The following CNTNAP5 variants were observed in gnomAD, a reference collection of about 807,000 sequenced individuals.
CNTNAP5 encodes contactin-associated protein-like 5.
In CNTNAP5, 72 loss-of-function variants were observed where a neutral mutation model predicts 150.2. The observed-to-expected ratio is 0.48, with a 90% CI of 0.40 to 0.58. The LOEUF (loss-of-function observed/expected upper bound fraction) is 0.58, where lower values mean the gene tolerates loss of function less well. Ranked by LOEUF, CNTNAP5 falls within the 20% of genes least tolerant of loss-of-function variation. The pLI, the probability that CNTNAP5 is intolerant of heterozygous loss-of-function variation, is 0.00. For missense variants in CNTNAP5, 1,636 were observed against 1,626.2 expected, an observed-to-expected ratio of 1.01 and a Z score of -0.10; for synonymous variants, 672 against 619.8, an observed-to-expected ratio of 1.08 and a Z score of -1.25.
At chr2:124,292,541 A>G (rs941309100) in intron 3 of CNTNAP5, among the ~76,000 whole-genome samples, 1 of 152,136 alleles carries the variant, frequency 6.6e-6, no homozygotes, top group Non-Finnish European at 1.5e-5. Context: ...TTCATATCTT[A>G]TATCAGAAAG....
intron 10 of CNTNAP5, among the ~76,000 whole-genome samples, chr2:124,534,825 G>T (rs1410742058): frequency 2.6e-5 from 4 of 152,132 alleles, no homozygotes; most frequent in African/African-American, 9.7e-5. Flanking sequence ...TTATCAGCAG[G>T]GTCTTTATGA....
intron 1 of CNTNAP5, among the ~76,000 whole-genome samples, chr2:124,165,004 G>A (rs898687540): frequency 3.3e-5 from 5 of 152,164 alleles, no homozygotes; most frequent in Non-Finnish European, 7.3e-5. Flanking sequence ...GCCAGCCAGA[G>A]AAGGGCTTGA....
At chr2:124,842,714 A>G (rs1342410079) in intron 19 of CNTNAP5, among the ~76,000 whole-genome samples, 1 of 152,092 alleles carries the variant, frequency 6.6e-6, no homozygotes, top group Non-Finnish European at 1.5e-5. Context: ...AGAACCCATC[A>G]CTGAATAGTT....
chr2:124,146,715 A>T lies in CNTNAP5; in HGVS notation c.83-74990A>T, dbSNP rs895423517. 1.6e-4 allele frequency among the ~76,000 whole-genome samples: 25 copies of T among 152,242 alleles called. 1 individual carries two copies. Among genetic ancestry groups the T allele is most frequent in the African/African-American group, 6.0e-4 (25 of 41,470 alleles). On this transcript the variant is annotated intron_variant, in intron 1 of 23. Transcript: ENST00000682447. ...ATTAAAGTTATGTCAAATTATTAATAGTAGTTATGTTTATTATTTTTATTC... is the reference window on the plus strand; with the variant it reads ...ATTAAAGTTATGTCAAATTATTAATTGTAGTTATGTTTATTATTTTTATTC...
At chr2:124,307,214 T>C (rs1688714630) in intron 3 of CNTNAP5, among the ~76,000 whole-genome samples, 1 of 152,194 alleles carries the variant, frequency 6.6e-6, no homozygotes, top group Non-Finnish European at 1.5e-5. Flanking sequence ...TTACTAGCTA[T>C]ATTGTCACAT....
intron 12 of CNTNAP5, among the ~76,000 whole-genome samples, chr2:124,621,276 C>G (rs745382766): frequency 2.6e-5 from 4 of 152,170 alleles, no homozygotes; most frequent in Non-Finnish European, 4.4e-5. Flanking sequence ...TATTTCTTAT[C>G]TTGATGGATT....
intron 13 of CNTNAP5, among the ~76,000 whole-genome samples, chr2:124,677,442 T>TG (rs1438387356): frequency 6.6e-6 from 1 of 152,216 alleles, no homozygotes; most frequent in Non-Finnish European, 1.5e-5. Context: ...TGCTGCTGGC[T>TG]GGGGTGGCCA....
chr2:124,025,608 C>G lies in CNTNAP5; in HGVS notation c.-43C>G, dbSNP rs373096459. On this transcript the variant is annotated 5_prime_UTR_variant, in exon 1 of 24. Coordinates refer to ENST00000682447, the MANE Select transcript of CNTNAP5 (RefSeq NM_001367498.1). The stretch of plus-strand genomic sequence containing the variant: ...GAGAAGAAGCCGCGGCTGGCTACTG[C>G]GAATTTGGGATTCGATTGGGAGGGA... 11 of 1,586,384 alleles carry G rather than the reference C, an allele frequency of 6.9e-6. No individual in the cohort carries two copies. The African/African-American group carries it at 1.3e-4, about 19-fold the overall frequency.
intron 1 of CNTNAP5, among the ~76,000 whole-genome samples, chr2:124,090,090 T>C (rs1011272320): frequency 6.6e-6 from 1 of 152,184 alleles, no homozygotes; most frequent in Non-Finnish European, 1.5e-5. Flanking sequence ...TGAGTAAATG[T>C]ATGGATGGAT....
chr2:124,904,249 T>C (rs973745443), intron 22 of CNTNAP5, among the ~76,000 whole-genome samples: 4 of 152,084 alleles, frequency 2.6e-5, no homozygotes, highest in African/African-American at 9.7e-5. Flanking sequence ...CTGTGTCTTG[T>C]TTATTTCAAA....
chr2:124,408,924 G>C (rs564505397), intron 3 of CNTNAP5, among the ~76,000 whole-genome samples: 1 of 152,074 alleles, frequency 6.6e-6, no homozygotes, highest in East Asian at 1.9e-4. Flanking sequence ...GGCTTCAGAC[G>C]ATCAAATTAC....
At chr2:124,468,002 C>A (rs1023957316) in intron 6 of CNTNAP5, among the ~76,000 whole-genome samples, 4 of 152,044 alleles carry the variant, frequency 2.6e-5, no homozygotes, top group African/African-American at 9.7e-5. Flanking sequence ...CTTGGCAGAT[C>A]ACTAATGGGG....
At chr2:124,035,393 A>C (rs1447002390) in intron 1 of CNTNAP5, among the ~76,000 whole-genome samples, 2 of 27,614 alleles carry the variant, frequency 7.2e-5, no homozygotes, top group East Asian at 3.2e-3. Context: ...ATGTTCTTCT[A>C]CTCCTTTCCT....
intron 6 of CNTNAP5, among the ~76,000 whole-genome samples, chr2:124,461,084 G>A (rs1044464718): frequency 5.3e-5 from 8 of 152,064 alleles, no homozygotes; most frequent in Non-Finnish European, 1.2e-4. Context: ...TGGTGGGACT[G>A]TAAACTAGTT....
chr2:124,039,539 G>A (rs1380248499), intron 1 of CNTNAP5, among the ~76,000 whole-genome samples: 4 of 152,166 alleles, frequency 2.6e-5, no homozygotes, highest in African/African-American at 9.7e-5. Context: ...GCTCCCTGAT[G>A]TTAAGTAATG....
rs111444845 is a variant in CNTNAP5 at position 124,425,809 on chromosome 2, C to T, written c.529+8219C>T. ...TCGAGTTCCTCGGTGGCATGGCTCA[C>T]GTCTTTGTTATCTTTGTATCTCAGA... On this transcript the variant is annotated intron_variant, in intron 4 of 23. Coordinates refer to ENST00000682447, the MANE Select transcript of CNTNAP5 (RefSeq NM_001367498.1). Among the ~76,000 whole-genome samples, 388 of 152,276 alleles carry T rather than the reference C, an allele frequency of 2.5e-3. 1 individual carries two copies. Among genetic ancestry groups the T allele is most frequent in the Middle Eastern group, 0.017 (5 of 294 alleles).
chr2:124,501,403 G>A (rs946822812), intron 7 of CNTNAP5, among the ~76,000 whole-genome samples: 5 of 152,112 alleles, frequency 3.3e-5, no homozygotes, highest in African/African-American at 1.2e-4. Context: ...CTTCCTTCTC[G>A]GGAATAGGAG....
chr2:124,467,918 T>C (rs1281223217), intron 6 of CNTNAP5, among the ~76,000 whole-genome samples: 2 of 152,172 alleles, frequency 1.3e-5, no homozygotes. Flanking sequence ...TTAATGATTA[T>C]TTAAAAAGTA....
rs373877408 is a variant in CNTNAP5, at chr2:124,040,236, A to G, written c.82+14504A>G. ...CACATGGTTCTTTTGCCTAACAGAT[A>G]GACTGTGAACTTCAAATGTATTCGG... On this transcript the variant is annotated intron_variant, in intron 1 of 23. Transcript: ENST00000682447. 1.8e-4 allele frequency among the ~76,000 whole-genome samples: 27 copies of G among 152,260 alleles called. 2 individuals carry two copies. In the South Asian group the frequency reaches 5.6e-3, roughly 32 times the overall value.
Sources: gnomAD v4.1 joint callset for allele counts (sites outside exome capture counted in the v4.1 genomes callset) on GRCh38, gnomAD v4.1.1 for gene constraint, MANE v1.5 for transcripts, NCBI Gene and HGNC (gene_info 2026-07-23, HGNC 2026-07-21) for gene names.